Variants in AFF3 observed in about 807,000 individuals in gnomAD.
The protein encoded by AFF3 is ALF transcription elongation factor 3.
A neutral mutation model predicts 129.7 loss-of-function variants in AFF3; 32 were observed. That is an observed-to-expected ratio of 0.25 (90% CI 0.19 to 0.33). The LOEUF (loss-of-function observed/expected upper bound fraction) is 0.33. Among genes scored for constraint, AFF3 ranks in the 10% least tolerant of loss-of-function variants. The probability of loss-of-function intolerance (pLI) is 1.00; values close to 1 mark genes in which losing one functional copy is unlikely to be tolerated. For missense variants in AFF3, 1,373 were observed against 1,592.0 expected (o/e 0.86, Z 2.34); for synonymous variants, 644 against 635.4 (o/e 1.01, Z -0.20).
chr2:99,748,018 C>A (rs1427104241), intron 9 of AFF3, among the ~76,000 whole-genome samples: 10 of 152,024 alleles, frequency 6.6e-5, no homozygotes, highest in Admixed American at 6.5e-4. Context: ...TTATCAGACA[C>A]CCTGATAAGG....
chr2:99,927,556 A>G (rs931442359), intron 7 of AFF3, among the ~76,000 whole-genome samples: 5 of 152,114 alleles, frequency 3.3e-5, no homozygotes, highest in Non-Finnish European at 7.4e-5. Flanking sequence ...AGAAGGAAAC[A>G]ACACACACTG....
At chr2:99,868,612 T>C (rs1691624094) in intron 7 of AFF3, among the ~76,000 whole-genome samples, 1 of 152,154 alleles carries the variant, frequency 6.6e-6, no homozygotes, top group South Asian at 2.1e-4. Flanking sequence ...TGTGAGTCTG[T>C]CTCGGATGAT....
intron 17 of AFF3, among the ~76,000 whole-genome samples, chr2:99,582,567 C>A (rs1009045940): frequency 3.3e-5 from 5 of 152,192 alleles, no homozygotes; most frequent in Non-Finnish European, 5.9e-5. Flanking sequence ...AAAATAAAAT[C>A]TTGCCTAAGC....
intron 11 of AFF3, among the ~76,000 whole-genome samples, chr2:99,722,713 T>C (rs779667498): frequency 3.3e-5 from 5 of 152,210 alleles, no homozygotes; most frequent in Non-Finnish European, 5.9e-5. Flanking sequence ...CCCACACATA[T>C]GCAGTTTAGG....
chr2:99,807,989 C>CT (rs1434133760), intron 8 of AFF3, among the ~76,000 whole-genome samples: 5 of 152,180 alleles, frequency 3.3e-5, no homozygotes, highest in Non-Finnish European at 7.3e-5. Flanking sequence ...TTGTCAGGGG[C>CT]TGTGTGTTCA....
chr2:99,623,516 C>T (rs963341742), intron 13 of AFF3, among the ~76,000 whole-genome samples: 2 of 152,126 alleles, frequency 1.3e-5, no homozygotes, highest in African/African-American at 2.4e-5. Context: ...CCAGGATGGG[C>T]GTGTGATGCC....
At chr2:99,835,522 G>A (rs1688803710) in intron 8 of AFF3, among the ~76,000 whole-genome samples, 1 of 151,688 alleles carries the variant, frequency 6.6e-6, no homozygotes, top group Admixed American at 6.6e-5. Flanking sequence ...AGGAAACACT[G>A]GGAACACTAA....
intron 13 of AFF3, among the ~76,000 whole-genome samples, chr2:99,633,003 G>A (rs1367766841): frequency 2.0e-5 from 3 of 152,126 alleles, no homozygotes; most frequent in Non-Finnish European, 4.4e-5. Flanking sequence ...GGCCAATGGC[G>A]AATCATGTCG....
intron 11 of AFF3, among the ~76,000 whole-genome samples, chr2:99,699,250 G>A (rs1676600108): frequency 6.6e-6 from 1 of 152,208 alleles, no homozygotes; most frequent in South Asian, 2.1e-4. Context: ...CCAGCTGCCT[G>A]CCACCTTCCA....
intron 8 of AFF3, among the ~76,000 whole-genome samples, chr2:99,804,125 G>C (rs1686163712): frequency 6.6e-6 from 1 of 152,150 alleles, no homozygotes; most frequent in Admixed American, 6.5e-5. Context: ...CATAGCAAAA[G>C]AAATAATCAT....
chr2:99,884,236 T>C (rs1692938048), intron 7 of AFF3, among the ~76,000 whole-genome samples: 3 of 152,244 alleles, frequency 2.0e-5, no homozygotes, highest in South Asian at 2.1e-4. Context: ...TACGATGTGG[T>C]GTTCTGATAG....
At chr2:100,110,609 A>C (rs773597951) in intron 2 of AFF3, among the ~76,000 whole-genome samples, 4 of 152,250 alleles carry the variant, frequency 2.6e-5, no homozygotes, top group Non-Finnish European at 5.9e-5. Flanking sequence ...GAGAAAGGGC[A>C]GCAGAAGATC....
At chr2:99,849,933 G>A (rs181696931) in intron 7 of AFF3, among the ~76,000 whole-genome samples, 10 of 152,276 alleles carry the variant, frequency 6.6e-5, no homozygotes, top group Admixed American at 4.6e-4. Flanking sequence ...TGTTCAGCAT[G>A]TCCTATATGC....
chr2:99,752,243 G>C lies in AFF3; in HGVS notation c.980C>G (p.Thr327Ser). Residue 327 changes from threonine (T) to serine (S), a missense_variant, in exon 9 of 25, where the codon ACC becomes AGC. Thr to Ser is a moderately conservative substitution (Grantham distance 58). Transcript: ENST00000672756. ...CACCTTATTTGGAAATGGAAATTTGGTTGGTTCCACTTTGCCAGGTGCTTG... is the reference window on the plus strand; with the variant it reads ...CACCTTATTTGGAAATGGAAATTTGCTTGGTTCCACTTTGCCAGGTGCTTG... ...AIQAPGKVEP[T>S]KFPFPNKDSQ... is the part of the protein sequence containing the mutation. The C allele has an allele frequency of 6.2e-7, 1 of 1,613,776 alleles. No homozygotes were observed. The highest frequency in any genetic ancestry group is 8.5e-7 in the Non-Finnish European group (1 of 1,179,722).
intron 7 of AFF3, among the ~76,000 whole-genome samples, chr2:99,900,126 T>G (rs1694241406): frequency 6.6e-6 from 1 of 152,196 alleles, no homozygotes; most frequent in South Asian, 2.1e-4. Context: ...GTGGGAACCC[T>G]GTGAAGAGGC....
chr2:99,809,582 C>T (rs773347536), intron 8 of AFF3, among the ~76,000 whole-genome samples: 4 of 152,214 alleles, frequency 2.6e-5, no homozygotes, highest in Non-Finnish European at 4.4e-5. Flanking sequence ...CCACCACACA[C>T]CTTTGCCTCC....
intron 7 of AFF3, among the ~76,000 whole-genome samples, chr2:100,005,991 T>C (rs1022005121): frequency 2.0e-5 from 3 of 152,212 alleles, no homozygotes; most frequent in South Asian, 2.1e-4. Flanking sequence ...GCAAAAAATA[T>C]GTATGCATGG....
intron 13 of AFF3, among the ~76,000 whole-genome samples, chr2:99,639,346 A>G (rs905494841): frequency 3.9e-5 from 6 of 152,146 alleles, no homozygotes; most frequent in Non-Finnish European, 8.8e-5. Flanking sequence ...CAGTGGATTG[A>G]GCTAACAGCC....
intron 13 of AFF3, among the ~76,000 whole-genome samples, chr2:99,607,851 T>C (rs541354674): frequency 5.6e-4 from 86 of 152,358 alleles, no homozygotes; most frequent in South Asian, 1.2e-3. Flanking sequence ...GGCAACAGTA[T>C]TCCTTTATTA....
Sources: allele counts gnomAD v4.1 joint callset (sites outside exome capture counted in the v4.1 genomes callset), GRCh38; gene constraint gnomAD v4.1.1; transcripts MANE v1.5; gene names NCBI Gene and HGNC (gene_info 2026-07-23, HGNC 2026-07-21).